The following CLIC6 variants were observed in gnomAD, a reference collection of about 807,000 sequenced individuals.
CLIC6 encodes CLIC family member 6.
CLIC6 carries 39 observed loss-of-function variants against 49.2 expected under a neutral mutation model. The ratio of observed to expected loss-of-function variants is 0.79; its 90% CI spans 0.61 to 1.04. The LOEUF (loss-of-function observed/expected upper bound fraction) is 1.04, where lower values mean the gene tolerates loss of function less well. CLIC6 is among the 50% of genes least tolerant of loss of function. The pLI is 0.00. For missense variants in CLIC6, 988 were observed against 993.1 expected (o/e 0.99, Z 0.07); for synonymous variants, 446 against 433.4 (o/e 1.03, Z -0.36).
At chr21:34,706,707 C>A (rs907809322) in intron 1 of CLIC6, among the ~76,000 whole-genome samples, 1 of 152,222 alleles carries the variant, frequency 6.6e-6, no homozygotes, top group African/African-American at 2.4e-5. Flanking sequence ...TTTCTCTCAA[C>A]ATTGTGTGTG....
chr21:34,716,831 TTCTCTCTC>T lies in CLIC6; in HGVS notation c.*371_*378del, dbSNP rs142197835. ...CATGTTCCAAATCTTCAGTATCTTG[TTCTCTCTC>T]TCTCTCTCTCTCTCTCTCTCTATCA... On this transcript the variant is annotated 3_prime_UTR_variant, in exon 6 of 6. Transcript: ENST00000349499. 5.2e-5 allele frequency: 7 copies of T among 133,840 alleles called. No individual in the cohort carries two copies. The highest frequency in any genetic ancestry group is 2.1e-4 in the East Asian group (1 of 4,734). The allele number at this position is 133,840 out of a possible 1,614,324, so 8.3% of individuals were successfully genotyped here.
intron 1 of CLIC6, among the ~76,000 whole-genome samples, chr21:34,687,725 A>G (rs1371191150): frequency 6.6e-6 from 1 of 152,228 alleles, no homozygotes; most frequent in African/African-American, 2.4e-5. Flanking sequence ...AAGAAAAAAT[A>G]CTATACATAC....
At chr21:34,707,603 T>C (rs1442359097) in intron 2 of CLIC6, among the ~76,000 whole-genome samples, 1 of 152,132 alleles carries the variant, frequency 6.6e-6, no homozygotes, top group African/African-American at 2.4e-5. Flanking sequence ...GGGGGTGCCG[T>C]GAAGAACCTG....
chr21:34,698,461 G>A (rs185142169), intron 1 of CLIC6, among the ~76,000 whole-genome samples: 1 of 151,676 alleles, frequency 6.6e-6, no homozygotes, highest in African/African-American at 2.4e-5. Context: ...GGGATGGAAG[G>A]AAGAAAGGAA....
chr21:34,708,109 C>G (rs1378127247), intron 3 of CLIC6, 40 bp downstream of exon 3: 2 of 1,610,732 alleles, frequency 1.2e-6, no homozygotes, highest in South Asian at 2.2e-5. Flanking sequence ...TTGATTGTCA[C>G]TTTCCCCCAC....
chr21:34,685,252 A>G (rs1172270313), intron 1 of CLIC6, among the ~76,000 whole-genome samples: 2 of 152,196 alleles, frequency 1.3e-5, no homozygotes, highest in Non-Finnish European at 2.9e-5. Flanking sequence ...ATGATGAATC[A>G]AAGCAGAGAT....
At chr21:34,704,289 C>T (rs952821362) in intron 1 of CLIC6, among the ~76,000 whole-genome samples, 1 of 152,150 alleles carries the variant, frequency 6.6e-6, no homozygotes, top group African/African-American at 2.4e-5. Flanking sequence ...TTTTTGCTGG[C>T]ACATCCAGGC....
chr21:34,698,870 C>T (rs1409394034), intron 1 of CLIC6, among the ~76,000 whole-genome samples: 1 of 152,060 alleles, frequency 6.6e-6, no homozygotes, highest in African/African-American at 2.4e-5. Flanking sequence ...CAGAGAGACC[C>T]CCCAGGCCCG....
In CLIC6 at chr21:34,675,945, T is replaced by C. The variant is rs79576131; in HGVS notation, c.1374+5183T>C. On this transcript the variant is annotated intron_variant, in intron 1 of 5. Coordinates refer to ENST00000349499, the MANE Select transcript of CLIC6 (RefSeq NM_053277.3). The stretch of plus-strand genomic sequence containing the variant: ...CAGGGTTACAGGATGCTGGTGGCTT[T>C]GGGAATTTGAAGCTCTTTCCTGCCA... Among the ~76,000 whole-genome samples, 1,452 of 152,338 alleles carry C rather than the reference T, an allele frequency of 9.5e-3. 25 individuals carry two copies. The highest frequency in any genetic ancestry group is 0.033 in the African/African-American group (1,368 of 41,580).
At chr21:34,678,779 T>C (rs889185582) in intron 1 of CLIC6, among the ~76,000 whole-genome samples, 2 of 152,116 alleles carry the variant, frequency 1.3e-5, no homozygotes, top group Non-Finnish European at 2.9e-5. Flanking sequence ...TTACTTACCA[T>C]TTTTTTGGAA....
chr21:34,675,178 G>A (rs1989637847), intron 1 of CLIC6, among the ~76,000 whole-genome samples: 1 of 146,668 alleles, frequency 6.8e-6, no homozygotes, highest in Non-Finnish European at 1.5e-5. Context: ...CTGACCCGAT[G>A]AAACACAGTA....
intron 1 of CLIC6, among the ~76,000 whole-genome samples, chr21:34,680,266 G>T (rs186804226): frequency 5.3e-5 from 8 of 152,368 alleles, no homozygotes; most frequent in African/African-American, 1.9e-4. Context: ...AATGGCCTGA[G>T]TTGTACCTCG....
chr21:34,677,457 C>T (rs141471462), intron 1 of CLIC6, among the ~76,000 whole-genome samples: 2 of 152,262 alleles, frequency 1.3e-5, no homozygotes, highest in East Asian at 1.9e-4. Flanking sequence ...TATCCAGTAG[C>T]AAGTGCCTTT....
intron 3 of CLIC6, 23 bp downstream of exon 3, chr21:34,708,092 T>C (rs749141940): frequency 1.2e-6 from 2 of 1,613,710 alleles, no homozygotes; most frequent in East Asian, 4.5e-5. Flanking sequence ...AAACCAGTGT[T>C]CATAACTTGA....
intron 1 of CLIC6, among the ~76,000 whole-genome samples, chr21:34,697,568 G>A (rs2186288): frequency 0.41 from 62,389 of 152,038 alleles, 14,565 homozygotes; most frequent in African/African-American, 0.64. Flanking sequence ...TTCTTGGTGA[G>A]GAAAACATCA....
chr21:34,679,500 G>A (rs1989736166), intron 1 of CLIC6, among the ~76,000 whole-genome samples: 3 of 152,068 alleles, frequency 2.0e-5, no homozygotes, highest in African/African-American at 4.8e-5. Flanking sequence ...ACACAATCAT[G>A]CCCCTCCAAC....
intron 1 of CLIC6, chr21:34,705,937 A>T (rs2056011301): frequency 1.9e-6 from 1 of 526,946 alleles, no homozygotes; most frequent in South Asian, 3.0e-5. Context: ...AAAAATTCAC[A>T]TTCCTAGGCC....
chr21:34,709,430 A>G lies in CLIC6; in HGVS notation c.1791A>G (p.Ile597Met), dbSNP rs750345784. 1.9e-6 allele frequency: 3 copies of G among 1,614,060 alleles called. No individual in the cohort carries two copies. Among genetic ancestry groups the G allele is most frequent in the Non-Finnish European group, 2.5e-6 (3 of 1,179,906 alleles). Reference protein sequence around the residue: ...NYLNSPLPDEIDAYSTEDVTV... With the variant: ...NYLNSPLPDEMDAYSTEDVTV... Reference sequence around the variant, plus strand: ...TAAATAGCCCTCTGCCTGATGAAATAGATGCCTACAGCACCGAGGATGTCA... The same window carrying G: ...TAAATAGCCCTCTGCCTGATGAAATGGATGCCTACAGCACCGAGGATGTCA... The change falls in exon 5 of 6, where the codon ATA (isoleucine) becomes ATG (methionine). Residue 597 changes from isoleucine to methionine, a missense_variant. Transcript: ENST00000349499.
At chr21:34,681,336 C>T (rs1989777109) in intron 1 of CLIC6, among the ~76,000 whole-genome samples, 1 of 152,226 alleles carries the variant, frequency 6.6e-6, no homozygotes, top group Non-Finnish European at 1.5e-5. Context: ...CTATTTGATC[C>T]TGCCCTTTAC....
Sources: gnomAD v4.1 joint callset for allele counts (sites outside exome capture counted in the v4.1 genomes callset) on GRCh38, gnomAD v4.1.1 for gene constraint, MANE v1.5 for transcripts, NCBI Gene and HGNC (gene_info 2026-07-23, HGNC 2026-07-21) for gene names.